Variants in ZNF721 observed in about 807,000 individuals in gnomAD.
The protein encoded by ZNF721 is zinc finger protein 721.
ZNF721 carries 2 observed loss-of-function variants against 2.4 expected under a neutral mutation model. The ratio of observed to expected loss-of-function variants is 0.82; its 90% CI spans 0.34 to 2.58. The LOEUF is 2.58. ZNF721 is among the 30% of genes most tolerant of loss of function. The probability of loss-of-function intolerance (pLI) is 0.11; values close to 1 mark genes in which losing one functional copy is unlikely to be tolerated. For synonymous variants in ZNF721, 398 were observed against 381.8 expected, an observed-to-expected ratio of 1.04 and a Z score of -0.50; for missense variants, 1,187 against 1,085.5, an observed-to-expected ratio of 1.09 and a Z score of -1.31.
At chr4:454,843 A>G (rs1576957898) in intron 2 of ZNF721, among the ~76,000 whole-genome samples, 1 of 152,174 alleles carries the variant, frequency 6.6e-6, no homozygotes, top group Non-Finnish European at 1.5e-5. Flanking sequence ...ATCTATTCCT[A>G]TATGTTAGTT....
At chr4:474,502 T>C (rs1322356839) in intron 1 of ZNF721, among the ~76,000 whole-genome samples, 1 of 152,158 alleles carries the variant, frequency 6.6e-6, no homozygotes, top group Non-Finnish European at 1.5e-5. Flanking sequence ...TATTTTAATA[T>C]TTTACATTTC....
Position 442,731 on chromosome 4 carries a change from T to C in ZNF721, c.1736A>G (p.His579Arg), listed in dbSNP as rs782147028. The C allele has an allele frequency of 6.2e-7, 1 of 1,614,248 alleles. No homozygotes were observed. The highest frequency in any genetic ancestry group is 8.5e-7 in the Non-Finnish European group (1 of 1,180,036). ...ACATTTGTAAGGTTTCTCTCCAGTATGAATTCTCCTATGTACATAAAGGTT... is the reference window on the plus strand; with the variant it reads ...ACATTTGTAAGGTTTCTCTCCAGTACGAATTCTCCTATGTACATAAAGGTT... ...SANLYVHRRI[H>R]TGEKPYKCEE... The change falls in exon 3 of 3, where the codon CAT becomes CGT. Residue 579 changes from histidine (H) to arginine (R), a missense_variant. Coordinates refer to ENST00000511833, the MANE Select transcript of ZNF721 (RefSeq NM_133474.4).
At position 445,717 on chromosome 4, in the gene ZNF721, T is replaced by C. The variant is rs886935388; in HGVS notation, c.35-1285A>G. Among the ~76,000 whole-genome samples the C allele has an allele frequency of 1.3e-4, 20 of 151,864 alleles. 1 individual carries two copies. The highest frequency in any genetic ancestry group is 2.8e-4 in the Non-Finnish European group (19 of 67,958). On this transcript the variant is annotated intron_variant, in intron 2 of 2. Transcript: ENST00000511833. Reference sequence around the variant, plus strand: ...AATATAAAATAATGACTCAGAAATTTTCAGAAGTTAAAAAAAGGATGTAAT... The same window carrying C: ...AATATAAAATAATGACTCAGAAATTCTCAGAAGTTAAAAAAAGGATGTAAT...
chr4:491,838 A>C (rs1481275691), intron 1 of ZNF721, among the ~76,000 whole-genome samples: 2 of 152,044 alleles, frequency 1.3e-5, no homozygotes, highest in Non-Finnish European at 2.9e-5. Context: ...CAGAAAGATA[A>C]ACGGATGTAA....
At position 443,296 on chromosome 4, in the gene ZNF721, A is replaced by G. The variant is rs1553863606; in HGVS notation, c.1171T>C (p.Cys391Arg). ...KIHTGEKPYK[C>R]EECGKAFNSS... is the part of the protein sequence containing the mutation. ...TTAAAGGCTTTGCCACACTCTTCAC[A>G]TTTGTAAGGTTTCTCTCCAGTATGA... Residue 391 changes from cysteine (C) to arginine (R), a missense_variant, in exon 3 of 3, where the codon TGT (cysteine) becomes CGT (arginine). Cys to Arg is a radical substitution (Grantham distance 180). Transcript: ENST00000511833. 3 of 1,613,996 alleles carry G rather than the reference A, an allele frequency of 1.9e-6. No individual in the cohort carries two copies. The highest frequency in any genetic ancestry group is 1.7e-5 in the Admixed American group (1 of 60,012).
At chr4:451,822 G>A (rs2108694511) in intron 2 of ZNF721, among the ~76,000 whole-genome samples, 2 of 152,282 alleles carry the variant, frequency 1.3e-5, no homozygotes, top group South Asian at 4.1e-4. Context: ...GGGAGGTTGG[G>A]GGCTTCCCAT....
At position 443,819 on chromosome 4, in the gene ZNF721, A is replaced by G. The variant is rs1553863744; in HGVS notation, c.648T>C (p.Thr216=). The G allele has an allele frequency of 6.2e-7, 1 of 1,613,976 alleles. No individual in the cohort carries two copies. Among genetic ancestry groups the G allele is most frequent in the Non-Finnish European group, 8.5e-7 (1 of 1,179,930 alleles). Residue 216 remains threonine, a synonymous_variant, in exon 3 of 3, where the codon ACT becomes ACC. Coordinates refer to ENST00000511833, the MANE Select transcript of ZNF721 (RefSeq NM_133474.4). ...CTTTACATTTGTAGGGTTTATCTCC[A>G]GTATGAATTTTCTTATATTCATTCA... ...TNLNEYKKIH[T]GDKPYKCKEC... is the part of the protein sequence containing the mutation.
intron 1 of ZNF721, among the ~76,000 whole-genome samples, chr4:476,218 C>T (rs1435310973): frequency 1.3e-5 from 2 of 152,162 alleles, no homozygotes; most frequent in Non-Finnish European, 2.9e-5. Context: ...AACCCTTCTC[C>T]TTGATACTAC....
intron 2 of ZNF721, among the ~76,000 whole-genome samples, chr4:454,286 A>C (rs1553865180): frequency 2.0e-5 from 3 of 152,190 alleles, no homozygotes. Flanking sequence ...TGGTGGTGAT[A>C]GCCTACTACA....
intron 1 of ZNF721, among the ~76,000 whole-genome samples, chr4:492,317 G>T (rs1262987882): frequency 2.0e-5 from 3 of 152,076 alleles, no homozygotes; most frequent in Admixed American, 6.6e-5. Flanking sequence ...AAGACCTTCT[G>T]CAGTGCACAG....
rs1714236353 is a variant in ZNF721, at chr4:441,578, GGATT to G, written c.*113_*116del. 1.2e-6 allele frequency: 1 copy of G among 811,886 alleles called. No individual in the cohort carries two copies. The highest frequency in any genetic ancestry group is 2.0e-5 in the South Asian group (1 of 51,026). The allele number at this position is 811,886 out of a possible 1,614,324, so 50.3% of individuals were successfully genotyped here. Reference sequence around the variant, plus strand: ...TTATGAATTATCTTATGATTAGAAAGGATTGAGGAGCATTTAAAGACCGCGACAT... The same window carrying G: ...TTATGAATTATCTTATGATTAGAAAGGAGGAGCATTTAAAGACCGCGACAT... On this transcript the variant is annotated 3_prime_UTR_variant, in exon 3 of 3. Transcript: ENST00000511833.
intron 2 of ZNF721, among the ~76,000 whole-genome samples, chr4:451,201 T>C (rs554810000): frequency 6.6e-6 from 1 of 152,088 alleles, no homozygotes; most frequent in South Asian, 2.1e-4. Context: ...AATATTACAT[T>C]TGAACTCAAT....
intron 2 of ZNF721, among the ~76,000 whole-genome samples, chr4:458,326 T>C (rs777737261): frequency 1.3e-5 from 2 of 152,194 alleles, no homozygotes; most frequent in Admixed American, 6.5e-5. Flanking sequence ...GTAGGACTTA[T>C]GTGACCTGGA....
intron 2 of ZNF721, among the ~76,000 whole-genome samples, chr4:464,262 G>A (rs1715166623): frequency 6.6e-6 from 1 of 151,986 alleles, no homozygotes; most frequent in Non-Finnish European, 1.5e-5. Context: ...CCTGAGGTCA[G>A]GGGTTCAAGA....
chr4:484,715 T>C (rs1182512674), intron 1 of ZNF721, among the ~76,000 whole-genome samples: 1 of 152,240 alleles, frequency 6.6e-6, no homozygotes, highest in Non-Finnish European at 1.5e-5. Context: ...CTCAAAACCC[T>C]GTCTCCTGAT....
chr4:478,550 ATG>A (rs1318684070), intron 1 of ZNF721, among the ~76,000 whole-genome samples: 22 of 152,138 alleles, frequency 1.4e-4, no homozygotes, highest in Non-Finnish European at 2.1e-4. Context: ...TTATAATAGC[ATG>A]TGACATAATT....
rs781940317 is a variant in ZNF721, at chr4:442,216, T to C, written c.2251A>G (p.Lys751Glu). 2.5e-6 allele frequency: 4 copies of C among 1,612,722 alleles called. No individual in the cohort carries two copies. Among genetic ancestry groups the C allele is most frequent in the East Asian group, 2.2e-5 (1 of 44,876 alleles). The change falls in exon 3 of 3, where the codon AAA becomes GAA. Residue 751 changes from lysine to glutamate, a missense_variant. Physicochemically the swap from Lys to Glu is moderately conservative, Grantham distance 56. Transcript: ENST00000511833. Reference protein sequence around the residue: ...NEYKKIHTGDKLYKCKECGKV... With the variant: ...NEYKKIHTGDELYKCKECGKV... ...CCACATTCTTTACATTTGTAGAGTTTATCTCCAGTATGAATTTTCTTATAT... is the reference window on the plus strand; with the variant it reads ...CCACATTCTTTACATTTGTAGAGTTCATCTCCAGTATGAATTTTCTTATAT...
chr4:492,120 G>A lies in ZNF721; in HGVS notation c.-94+6936C>T, dbSNP rs560805490. Among the ~76,000 whole-genome samples the A allele has an allele frequency of 2.6e-5, 4 of 151,158 alleles. No homozygotes were observed. In the East Asian group the frequency reaches 5.8e-4, roughly 22 times the overall value. ...AGAGCTTGCAGTGAGCCGAGATCACGCCACTGCACTCCAGTCTGGGTGACA... is the reference window on the plus strand; with the variant it reads ...AGAGCTTGCAGTGAGCCGAGATCACACCACTGCACTCCAGTCTGGGTGACA... On this transcript the variant is annotated intron_variant, in intron 1 of 2. Transcript: ENST00000511833.
Position 499,127 on chromosome 4 carries a change from G to C in ZNF721, c.-165C>G, listed in dbSNP as rs1484006295. The stretch of plus-strand genomic sequence containing the variant: ...CACGGAGCCGGGAACACCGCCCGCT[G>C]TTCGTATGTCCGAGGTGACGCCCCG... On this transcript the variant is annotated 5_prime_UTR_variant, in exon 1 of 3. Transcript: ENST00000511833. 1 of 585,022 alleles carries C rather than the reference G, an allele frequency of 1.7e-6. No individual in the cohort carries two copies. Among genetic ancestry groups the C allele is most frequent in the Admixed American group, 3.4e-5 (1 of 29,336 alleles). 36.2% of individuals were successfully genotyped at this position (585,022 alleles called of 1,614,324 possible).
Sources: allele counts gnomAD v4.1 joint callset (sites outside exome capture counted in the v4.1 genomes callset), GRCh38; gene constraint gnomAD v4.1.1; transcripts MANE v1.5; gene names NCBI Gene and HGNC (gene_info 2026-07-23, HGNC 2026-07-21).